The following PCED1B variants were observed in gnomAD, a reference collection of about 807,000 sequenced individuals.
The protein encoded by PCED1B is PC-esterase domain-containing protein 1B.
For missense variants in PCED1B, 573 were observed against 573.9 expected (o/e 1.00, Z 0.02); for synonymous variants, 251 against 246.1 (o/e 1.02, Z -0.19).
chr12:47,105,143 C>A lies in PCED1B; in HGVS notation c.-526+948C>A, dbSNP rs189476905. Among the ~76,000 whole-genome samples the A allele has an allele frequency of 2.0e-5, 3 of 152,250 alleles. No individual in the cohort carries two copies. The East Asian group carries it at 5.8e-4, about 29-fold the overall frequency. ...CTTACAAAGCAGAGACAGCACCCTT[C>A]AAGATGCAGAGTTCAGGGAAAGCTC... is the stretch of plus-strand genomic sequence containing the variant. On this transcript the variant is annotated intron_variant, in intron 2 of 3. Transcript: ENST00000546455.
At chr12:47,224,600 A>T (rs1253580139) in intron 3 of PCED1B, among the ~76,000 whole-genome samples, 1 of 152,178 alleles carries the variant, frequency 6.6e-6, no homozygotes, top group Non-Finnish European at 1.5e-5. Context: ...CAGTTTGAAG[A>T]TCTTTATTCT....
chr12:47,127,145 T>C (rs1041329626), intron 2 of PCED1B, among the ~76,000 whole-genome samples: 1 of 152,188 alleles, frequency 6.6e-6, no homozygotes, highest in Non-Finnish European at 1.5e-5. Flanking sequence ...ATTTTAGCAC[T>C]ATAAACTGTC....
chr12:47,234,867 A>G (rs1377138209), intron 3 of PCED1B, 140 bp from the exon 4 acceptor site: 2 of 424,044 alleles, frequency 4.7e-6, no homozygotes, highest in African/African-American at 2.0e-5. Context: ...GGAGCCTGTT[A>G]TGCGGGCACT....
intron 1 of PCED1B, among the ~76,000 whole-genome samples, chr12:47,093,571 G>A (rs1349249330): frequency 6.6e-6 from 1 of 151,342 alleles, no homozygotes; most frequent in Non-Finnish European, 1.5e-5. Context: ...TTTCTAATAT[G>A]GAATATAAGA....
rs150029461 is a variant in PCED1B at position 47,090,133 on chromosome 12, C to T, written c.-609+10408C>T. ...TGATTCTGCTCAAATCAGAAAATTG[C>T]CCTTTCTATTAAAGATGATCTCTCC... On this transcript the variant is annotated intron_variant, in intron 1 of 3. Transcript: ENST00000546455. Among the ~76,000 whole-genome samples the T allele has an allele frequency of 5.7e-3, 875 of 152,248 alleles. 13 individuals carry two copies. Among genetic ancestry groups the T allele is most frequent in the African/African-American group, 0.02 (828 of 41,540 alleles).
chr12:47,227,646 G>C (rs548460653), intron 3 of PCED1B, among the ~76,000 whole-genome samples: 1 of 152,052 alleles, frequency 6.6e-6, no homozygotes, highest in African/African-American at 2.4e-5. Context: ...TTGAGACCAG[G>C]AGTTCGAGAC....
chr12:47,147,728 C>T (rs776220322), intron 2 of PCED1B, among the ~76,000 whole-genome samples: 33 of 152,120 alleles, frequency 2.2e-4, no homozygotes, highest in Admixed American at 7.9e-4. Context: ...AATCTGATCA[C>T]TTAAGTAATC....
chr12:47,219,287 G>A (rs10881081), intron 3 of PCED1B, among the ~76,000 whole-genome samples: 64,443 of 152,010 alleles, frequency 0.42, 14,967 homozygotes, highest in Non-Finnish European at 0.53. Context: ...CCCTTCAGAG[G>A]AGCATAGGTG....
chr12:47,159,426 G>C (rs1941298681), intron 2 of PCED1B, among the ~76,000 whole-genome samples: 1 of 151,886 alleles, frequency 6.6e-6, no homozygotes, highest in African/African-American at 2.4e-5. Context: ...TTTGTCTTTT[G>C]ATAATAACTA....
chr12:47,122,004 G>C (rs1438932107), intron 2 of PCED1B, among the ~76,000 whole-genome samples: 1 of 146,956 alleles, frequency 6.8e-6, no homozygotes, highest in Non-Finnish European at 1.5e-5. Context: ...TCCAGTCTGG[G>C]TGACAGAGCG....
intron 1 of PCED1B, among the ~76,000 whole-genome samples, chr12:47,091,193 C>T (rs1482304199): frequency 6.6e-6 from 1 of 152,102 alleles, no homozygotes; most frequent in Non-Finnish European, 1.5e-5. Flanking sequence ...ACGTCCTTGT[C>T]AACACTTATT....
intron 2 of PCED1B, among the ~76,000 whole-genome samples, chr12:47,175,810 G>A (rs1278578630): frequency 6.6e-6 from 1 of 151,952 alleles, no homozygotes; most frequent in East Asian, 1.9e-4. Context: ...GACCTCAGGT[G>A]ATCTGCCTGC....
At chr12:47,118,973 A>G (rs1292863938) in intron 2 of PCED1B, among the ~76,000 whole-genome samples, 2 of 152,058 alleles carry the variant, frequency 1.3e-5, no homozygotes, top group Non-Finnish European at 2.9e-5. Flanking sequence ...GGAGTTCACA[A>G]TCATGAGTGT....
At chr12:47,229,430 A>ATT in intron 3 of PCED1B, among the ~76,000 whole-genome samples, 1 of 151,722 alleles carries the variant, frequency 6.6e-6, no homozygotes, top group East Asian at 1.9e-4. Flanking sequence ...AAAAAAAAAG[A>ATT]TAAGAAAATA....
At chr12:47,086,173 A>C (rs78595072) in intron 1 of PCED1B, among the ~76,000 whole-genome samples, 2,491 of 152,152 alleles carry the variant, frequency 0.016, 63 homozygotes, top group African/African-American at 0.057. Flanking sequence ...GGTTCAACAA[A>C]CTTGGGTGTG....
chr12:47,084,889 A>C (rs1937904953), intron 1 of PCED1B, among the ~76,000 whole-genome samples: 1 of 152,240 alleles, frequency 6.6e-6, no homozygotes, highest in Non-Finnish European at 1.5e-5. Context: ...TAATCCCAGC[A>C]CTTTGGGAGG....
At chr12:47,213,346 G>A (rs948161524) in intron 2 of PCED1B, among the ~76,000 whole-genome samples, 1 of 134,630 alleles carries the variant, frequency 7.4e-6, no homozygotes, top group African/African-American at 3.1e-5. Context: ...TATGTGGACT[G>A]TTTAAGTCAG....
intron 2 of PCED1B, among the ~76,000 whole-genome samples, chr12:47,172,269 A>T (rs770917285): frequency 4.0e-5 from 6 of 150,092 alleles, no homozygotes; most frequent in Non-Finnish European, 8.9e-5. Flanking sequence ...TCAGGCTACT[A>T]ATTTGAACCC....
At chr12:47,233,757 C>T (rs1185667008) in intron 3 of PCED1B, among the ~76,000 whole-genome samples, 3 of 152,126 alleles carry the variant, frequency 2.0e-5, no homozygotes, top group African/African-American at 4.8e-5. Context: ...ATAACTCTTC[C>T]TGCATCTGTC....
Sources: gnomAD v4.1 joint callset for allele counts (sites outside exome capture counted in the v4.1 genomes callset) on GRCh38, gnomAD v4.1.1 for gene constraint, MANE v1.5 for transcripts, NCBI Gene and HGNC (gene_info 2026-07-23, HGNC 2026-07-21) for gene names.